REPS2: variants seen among roughly 807,000 people sequenced by gnomAD.
The protein encoded by REPS2 is ralBP1-associated Eps domain-containing protein 2.
In REPS2, 23 loss-of-function variants were observed where a neutral mutation model predicts 53.6. The observed-to-expected ratio is 0.43, with a 90% CI of 0.31 to 0.61. The LOEUF (loss-of-function observed/expected upper bound fraction) is 0.61, where lower values mean the gene tolerates loss of function less well. REPS2 is among the 20% of genes least tolerant of loss of function. The pLI, the probability that REPS2 is intolerant of heterozygous loss-of-function variation, is 0.11. For missense variants in REPS2, 446 were observed against 534.9 expected (o/e 0.83, Z 1.64); for synonymous variants, 238 against 218.6 (o/e 1.09, Z -0.78).
At chrX:16,997,155 C>G (rs2061243539) in intron 1 of REPS2, among the ~76,000 whole-genome samples, 1 of 112,210 alleles carries the variant, frequency 8.9e-6, no homozygotes, top group Non-Finnish European at 1.9e-5. Context: ...CTGTGATATG[C>G]AGAGCCTCGA....
At chrX:17,070,043 A>G (rs759366866) in intron 11 of REPS2, 50 bp downstream of exon 11, 15 of 632,092 alleles carry the variant, frequency 2.4e-5, no homozygotes, top group Non-Finnish European at 2.5e-5. Flanking sequence ...TTTTAAAATA[A>G]AAAAACAGCA....
intron 13 of REPS2, among the ~76,000 whole-genome samples, chrX:17,083,375 C>T (rs1193210782): frequency 4.5e-5 from 5 of 111,273 alleles, no homozygotes; most frequent in African/African-American, 9.8e-5. Context: ...TGAGCCACTG[C>T]GCCCAGCCCC....
At chrX:17,051,568 A>G (rs919780553) in intron 6 of REPS2, among the ~76,000 whole-genome samples, 4 of 112,153 alleles carry the variant, frequency 3.6e-5, no homozygotes, top group Admixed American at 9.4e-5. Context: ...AGTACATCCC[A>G]TTTTATTTAT....
At chrX:16,991,646 G>C (rs375715959) in intron 1 of REPS2, among the ~76,000 whole-genome samples, 17 of 110,574 alleles carry the variant, frequency 1.5e-4, no homozygotes, top group African/African-American at 5.3e-4. Flanking sequence ...ACCGGAGTAG[G>C]GTGGGCTCCT....
At chrX:17,096,737 C>T (rs866994573) in intron 13 of REPS2, among the ~76,000 whole-genome samples, 1 of 82,815 alleles carries the variant, frequency 1.2e-5, no homozygotes, top group African/African-American at 4.3e-5. Flanking sequence ...ATGAAAAAAA[C>T]ATTTTCAAAA....
intron 14 of REPS2, among the ~76,000 whole-genome samples, chrX:17,115,659 T>C (rs1445424436): frequency 8.9e-6 from 1 of 112,245 alleles, no homozygotes. Context: ...CTGGCTTTCC[T>C]AGGCAGAGGT....
At chrX:17,068,157 A>T (rs1418509456) in intron 9 of REPS2, among the ~76,000 whole-genome samples, 1 of 110,189 alleles carries the variant, frequency 9.1e-6, no homozygotes, top group African/African-American at 3.3e-5. Flanking sequence ...ACTAAAAAAT[A>T]CAAAAAATTA....
At position 17,038,670 on chromosome X, in the gene REPS2, A is replaced by C. The variant is rs372658462; in HGVS notation, c.772-8677A>C. Among the ~76,000 whole-genome samples the C allele has an allele frequency of 4.4e-5, 5 of 112,412 alleles. No homozygotes were observed. In the East Asian group the frequency reaches 1.4e-3, roughly 32 times the overall value. ...TGTTTTGACAGTGGAGTTTTTAGCT[A>C]GCCAGCTTGTGCAGTGCTGGGACTT... is the stretch of plus-strand genomic sequence containing the variant. On this transcript the variant is annotated intron_variant, in intron 5 of 17. Coordinates refer to ENST00000357277, the MANE Select transcript of REPS2 (RefSeq NM_004726.3).
chrX:17,136,981 A>G (rs1007815175), intron 16 of REPS2: 2 of 112,703 alleles, frequency 1.8e-5, no homozygotes, highest in African/African-American at 6.4e-5. Context: ...TTATCTTTTT[A>G]TGGCTGAATA....
intron 14 of REPS2, among the ~76,000 whole-genome samples, chrX:17,104,729 A>T (rs2062851069): frequency 8.9e-6 from 1 of 112,084 alleles, no homozygotes; most frequent in African/African-American, 3.2e-5. Flanking sequence ...GGGTAATAAA[A>T]AGCCCATTTC....
At chrX:17,041,791 T>A (rs889147448) in intron 5 of REPS2, among the ~76,000 whole-genome samples, 1 of 112,321 alleles carries the variant, frequency 8.9e-6, no homozygotes, top group African/African-American at 3.2e-5. Flanking sequence ...ACAGAAATGT[T>A]CTATGATTGA....
At position 16,982,313 on chromosome X, in the gene REPS2, G is replaced by A. The variant is rs138774037; in HGVS notation, c.274-23908G>A. On this transcript the variant is annotated intron_variant, in intron 1 of 17. Coordinates refer to ENST00000357277, the MANE Select transcript of REPS2 (RefSeq NM_004726.3). ...TTACATCATGTATACATTTTAATGT[G>A]GACATATGTTTTTAGTTATCTTGAG... 7.5e-4 allele frequency among the ~76,000 whole-genome samples: 84 copies of A among 111,724 alleles called. 3 individuals are homozygous for A. In the East Asian group the frequency reaches 0.019, roughly 26 times the overall value.
At chrX:17,053,343 C>T (rs889095995) in intron 7 of REPS2, among the ~76,000 whole-genome samples, 7 of 110,694 alleles carry the variant, frequency 6.3e-5, no homozygotes, top group African/African-American at 2.3e-4. Context: ...TTTTACAAGC[C>T]TTATATTAGT....
At chrX:17,153,968 A>C (rs1258020534), downstream of REPS2, among the ~76,000 whole-genome samples, 7 of 111,281 alleles carry the variant, frequency 6.3e-5, no homozygotes, top group East Asian at 2.0e-3. Flanking sequence ...CGGTTCTCAA[A>C]GTGTGGTCCC....
intron 14 of REPS2, among the ~76,000 whole-genome samples, chrX:17,126,449 T>C (rs1569191574): frequency 8.9e-6 from 1 of 112,788 alleles, no homozygotes; most frequent in East Asian, 2.8e-4. Context: ...TCTCAAAGTA[T>C]GTTCCACAGA....
At chrX:16,983,195 A>G (rs748531817) in intron 1 of REPS2, among the ~76,000 whole-genome samples, 1 of 76,452 alleles carries the variant, frequency 1.3e-5, no homozygotes, top group South Asian at 4.4e-4. Context: ...GATTAAATGG[A>G]AAAAAAATAT....
chrX:16,980,500 A>C (rs990253459), intron 1 of REPS2, among the ~76,000 whole-genome samples: 16 of 110,035 alleles, frequency 1.5e-4, no homozygotes, highest in Non-Finnish European at 2.1e-4. Context: ...ATGGAGTTTT[A>C]CCATGTTGGC....
intron 13 of REPS2, among the ~76,000 whole-genome samples, chrX:17,100,589 T>TA (rs1395040769): frequency 8.9e-6 from 1 of 112,455 alleles, no homozygotes; most frequent in Non-Finnish European, 1.9e-5. Context: ...ATCTACAACA[T>TA]ACCTACAGCA....
chrX:17,094,499 A>T (rs754067272), intron 13 of REPS2, among the ~76,000 whole-genome samples: 6 of 111,643 alleles, frequency 5.4e-5, no homozygotes, highest in African/African-American at 1.9e-4. Context: ...CATATTCTTC[A>T]TTTCTGGGAA....
Sources: gnomAD v4.1 joint callset for allele counts (sites outside exome capture counted in the v4.1 genomes callset) on GRCh38, gnomAD v4.1.1 for gene constraint, MANE v1.5 for transcripts, NCBI Gene and HGNC (gene_info 2026-07-23, HGNC 2026-07-21) for gene names.